ATG2A: variants seen among roughly 807,000 people sequenced by gnomAD.
ATG2A encodes autophagy related 2A.
Under a neutral mutation model 214.2 loss-of-function variants are expected in ATG2A, and 103 were observed. The observed-to-expected ratio is 0.48, with a 90% confidence interval of 0.41 to 0.57. ATG2A has a LOEUF of 0.57. ATG2A is among the 20% of genes least tolerant of loss of function. The pLI, the probability that ATG2A is intolerant of heterozygous loss-of-function variation, is 0.00. For missense variants in ATG2A, 2,312 were observed against 2,613.2 expected (o/e 0.88, Z 2.51); for synonymous variants, 1,160 against 1,142.1 (o/e 1.02, Z -0.32).
Position 64,912,069 on chromosome 11 carries a change from C to CCT in ATG2A, c.1087+15_1087+16insAG, listed in dbSNP as rs1377357991. 6.2e-7 allele frequency: 1 copy of CCT among 1,612,372 alleles called. No homozygotes were observed. Among genetic ancestry groups the CCT allele is most frequent in the Non-Finnish European group, 8.5e-7 (1 of 1,178,886 alleles). Reference sequence around the variant, plus strand: ...CACTAGCTGCCCCTCCAACCACGGTCTGACCCCACACCCACCAGTGTTATC... The same window carrying CCT: ...CACTAGCTGCCCCTCCAACCACGGTCCTTGACCCCACACCCACCAGTGTTATC... On this transcript the variant is annotated intron_variant, in intron 8 of 40. Transcript: ENST00000377264.
Position 64,910,337 on chromosome 11 carries a change from C to T in ATG2A, c.1708-142G>A, listed in dbSNP as rs540741296. ...AGGCCTGCCCCACCTTTGCCCGACG[C>T]GCACAATGTGCTTGTTTACTTATAA... is the stretch of plus-strand genomic sequence containing the variant. On this transcript the variant is annotated intron_variant, in intron 12 of 40. Coordinates refer to ENST00000377264, the MANE Select transcript of ATG2A (RefSeq NM_015104.3). 4.0e-5 allele frequency: 51 copies of T among 1,289,598 alleles called. No individual in the cohort carries two copies. In the South Asian group the frequency reaches 5.5e-4, roughly 14 times the overall value. 79.9% of individuals were successfully genotyped at this position (1,289,598 alleles called of 1,614,324 possible). A position where few individuals can be genotyped will look rare whatever the true frequency, so the allele number is the denominator to read the frequency against.
In ATG2A at chr11:64,897,811, GC is replaced by G. The variant is rs747956811; in HGVS notation, c.4994+27del. On this transcript the variant is annotated intron_variant, in intron 35 of 40. Transcript: ENST00000377264. ...CTGGCCCCCAGCAATCTGGCCCAGG[GC>G]CCCCCACCCGCAGTCCAGCAGCCTA... The G allele has an allele frequency of 3.1e-6, 5 of 1,613,616 alleles. No homozygotes were observed. In the East Asian group the frequency reaches 6.7e-5, roughly 22 times the overall value.
At chr11:64,899,410 G>A (rs1307508412) in intron 31 of ATG2A, among the ~76,000 whole-genome samples, 2 of 152,084 alleles carry the variant, frequency 1.3e-5, no homozygotes, top group South Asian at 2.1e-4. Context: ...CTGGCCATCA[G>A]GTCTCAGAGA....
chr11:64,903,263 G>A lies in ATG2A; in HGVS notation c.3612+25C>T, dbSNP rs778882623. On this transcript the variant is annotated intron_variant, in intron 26 of 40. Transcript: ENST00000377264. This position sits in a 1 kb window ranked among gnomAD's most constrained non-coding sequence, Gnocchi z 4.2. Reference sequence around the variant, plus strand: ...GCCCCTGCACCTGCTGTGGCTCCAGGAGCCAGAGTGACAGCCTCACTCACC... The same window carrying A: ...GCCCCTGCACCTGCTGTGGCTCCAGAAGCCAGAGTGACAGCCTCACTCACC... The A allele has an allele frequency of 4.3e-6, 7 of 1,611,366 alleles. No homozygotes were observed. Among genetic ancestry groups the A allele is most frequent in the Middle Eastern group, 1.6e-4 (1 of 6,072 alleles).
At position 64,895,032 on chromosome 11, in the gene ATG2A, C is replaced by A; in HGVS notation, c.5758G>T (p.Val1920Phe). 6.2e-7 allele frequency: 1 copy of A among 1,613,364 alleles called. No homozygotes were observed. The highest frequency in any genetic ancestry group is 8.5e-7 in the Non-Finnish European group (1 of 1,179,644). ...SLLGGMRNQI[V>F]PDAHKDHALK... ...GCGTGGTCCTTGTGGGCGTCGGGGA[C>A]AATCTGGTTGCGCATGCCCCCGAGC... The change falls in exon 41 of 41, where the codon GTC becomes TTC. Residue 1920 changes from valine (V) to phenylalanine (F), a missense_variant. Physicochemically the swap from Val to Phe is conservative, Grantham distance 50. Coordinates refer to ENST00000377264, the MANE Select transcript of ATG2A (RefSeq NM_015104.3). This position sits in a 1 kb window ranked among gnomAD's most constrained non-coding sequence, Gnocchi z 5.0.
chr11:64,902,855 G>A (rs1041120479), intron 26 of ATG2A, among the ~76,000 whole-genome samples, 175 bp from the exon 27 acceptor site: 2 of 152,146 alleles, frequency 1.3e-5, no homozygotes, highest in African/African-American at 4.8e-5. Flanking sequence ...TGAACAAACT[G>A]TTCACCCAGA....
intron 1 of ATG2A, among the ~76,000 whole-genome samples, chr11:64,915,783 G>A (rs1187993586): frequency 6.6e-6 from 1 of 152,154 alleles, no homozygotes; most frequent in Non-Finnish European, 1.5e-5. Context: ...AGGCTAGCCT[G>A]GGCAACATAG....
rs1204831546 is a variant in ATG2A, at chr11:64,896,740, ACACT to A, written c.5272+4_5272+7del. ...CAGTTTCGAGGGCTTCCAAACCTAG[ACACT>A]CACAGAGCTGGACAACCGAGTGCAT... On this transcript the variant is annotated splice_donor_5th_base_variant and intron_variant, in intron 38 of 40. Transcript: ENST00000377264. 6.2e-7 allele frequency: 1 copy of A among 1,613,814 alleles called. No homozygotes were observed. The highest frequency in any genetic ancestry group is 8.5e-7 in the Non-Finnish European group (1 of 1,179,794).
rs1049719748 is a variant in ATG2A at position 64,903,205 on chromosome 11, G to A, written c.3612+83C>T. ...TGAACTGTGTCCGGAGCCCAGGCAC[G>A]TGAGGGAGCAGCAGCCCCTGAAGAC... On this transcript the variant is annotated intron_variant, in intron 26 of 40. Transcript: ENST00000377264. This position sits in a 1 kb window ranked among gnomAD's most constrained non-coding sequence, Gnocchi z 4.2. 1.1e-5 allele frequency: 14 copies of A among 1,332,902 alleles called. No homozygotes were observed. Among genetic ancestry groups the A allele is most frequent in the African/African-American group, 5.8e-5 (4 of 69,300 alleles). 82.6% of individuals were successfully genotyped at this position (1,332,902 alleles called of 1,614,324 possible).
At chr11:64,907,941 C>T (rs1355671241) in intron 16 of ATG2A, 51 bp from the exon 17 acceptor site, 1 of 1,577,472 alleles carries the variant, frequency 6.3e-7, no homozygotes, top group Admixed American at 1.8e-5. Flanking sequence ...GAGACGCTGG[C>T]TGGGGCCTGT....
At position 64,906,199 on chromosome 11, in the gene ATG2A, G is replaced by T; in HGVS notation, c.3184-6C>A. The T allele has an allele frequency of 6.2e-7, 1 of 1,611,480 alleles. No homozygotes were observed. The highest frequency in any genetic ancestry group is 8.5e-7 in the Non-Finnish European group (1 of 1,179,212). Reference sequence around the variant, plus strand: ...CGCAGTGTCACCAGGAACTCCTGAGGGTGGGGGCGCAGTCAGGGCAGTGGG... The same window carrying T: ...CGCAGTGTCACCAGGAACTCCTGAGTGTGGGGGCGCAGTCAGGGCAGTGGG... On this transcript the variant is annotated splice_polypyrimidine_tract_variant and splice_region_variant and intron_variant, in intron 21 of 40. Transcript: ENST00000377264.
rs541368241 is a variant in ATG2A at position 64,900,708 on chromosome 11, G to A, written c.4329-79C>T. Reference sequence around the variant, plus strand: ...GTCCTCAGCGGGCCTTTTAGCCTGGGACAAGAGACCCCCGCTAGCCCCAGT... The same window carrying A: ...GTCCTCAGCGGGCCTTTTAGCCTGGAACAAGAGACCCCCGCTAGCCCCAGT... On this transcript the variant is annotated intron_variant, in intron 30 of 40. Transcript: ENST00000377264. The A allele has an allele frequency of 5.4e-6, 8 of 1,478,888 alleles. No individual in the cohort carries two copies. The South Asian group carries it at 6.8e-5, about 13-fold the overall frequency. The allele number at this position is 1,478,888 out of a possible 1,614,324, so 91.6% of individuals were successfully genotyped here.
In ATG2A at chr11:64,897,894, C is replaced by A. The variant is rs781511884; in HGVS notation, c.4939G>T (p.Ala1647Ser). 1 of 1,569,288 alleles carries A rather than the reference C, an allele frequency of 6.4e-7. No homozygotes were observed. Among genetic ancestry groups the A allele is most frequent in the East Asian group, 2.2e-5 (1 of 44,524 alleles). Reference protein sequence around the residue: ...EGVETTGSQEAPGGGHSPSPP... With the variant: ...EGVETTGSQESPGGGHSPSPP... ...GAGGGGCTGTGTCCACCTCCTGGGG[C>A]CTCCTGCGAACCAGTGGTCTCTACG... The change falls in exon 35 of 41, where the codon GCC becomes TCC. Residue 1647 changes from alanine (A) to serine (S), a missense_variant. Coordinates refer to ENST00000377264, the MANE Select transcript of ATG2A (RefSeq NM_015104.3).
At position 64,913,664 on chromosome 11, in the gene ATG2A, G is replaced by T. The variant is rs557463987; in HGVS notation, c.590+157C>A. The T allele has an allele frequency of 2.5e-5, 21 of 831,942 alleles. No individual in the cohort carries two copies. Among genetic ancestry groups the T allele is most frequent in the Non-Finnish European group, 3.5e-5 (19 of 535,796 alleles). The allele number at this position is 831,942 out of a possible 1,614,324, so 51.5% of individuals were successfully genotyped here. A position where few individuals can be genotyped will look rare whatever the true frequency, so the allele number is the denominator to read the frequency against. ...ACCTGGCCTCTGGACACCAGTCCGG[G>T]CTCACGATGCAGCCCACCTCCCCAA... On this transcript the variant is annotated intron_variant, in intron 4 of 40. Coordinates refer to ENST00000377264, the MANE Select transcript of ATG2A (RefSeq NM_015104.3). This position sits in a 1 kb window ranked among gnomAD's most constrained non-coding sequence, Gnocchi z 4.3.
At chr11:64,904,993 C>T (rs1944491899) in intron 24 of ATG2A, among the ~76,000 whole-genome samples, 3 of 152,074 alleles carry the variant, frequency 2.0e-5, no homozygotes, top group Admixed American at 2.0e-4. Context: ...GTAGCTGGGA[C>T]TACAGGCGCC....
Position 64,911,126 on chromosome 11 carries a change from C to T in ATG2A, c.1378G>A (p.Asp460Asn), listed in dbSNP as rs763542825. The change falls in exon 10 of 41, where the codon GAT becomes AAT. Residue 460 changes from aspartate to asparagine, a missense_variant. Coordinates refer to ENST00000377264, the MANE Select transcript of ATG2A (RefSeq NM_015104.3). The part of the protein sequence containing the change: ...DLATHFFTEF[D>N]ATKDGPFGSR... Reference sequence around the variant, plus strand: ...CCGAAGGGCCCATCCTTGGTGGCATCAAACTCGGTGAAAAAGTGCGTGGCG... The same window carrying T: ...CCGAAGGGCCCATCCTTGGTGGCATTAAACTCGGTGAAAAAGTGCGTGGCG... 4 of 1,614,112 alleles carry T rather than the reference C, an allele frequency of 2.5e-6. No individual in the cohort carries two copies. In the South Asian group the frequency reaches 4.4e-5, roughly 18 times the overall value.
At position 64,913,933 on chromosome 11, in the gene ATG2A, T is replaced by C. The variant is rs772000368; in HGVS notation, c.488-10A>G. 1 of 1,612,930 alleles carries C rather than the reference T, an allele frequency of 6.2e-7. No individual in the cohort carries two copies. The highest frequency in any genetic ancestry group is 2.2e-5 in the East Asian group (1 of 44,840). ...TTGATCCTCCGAAGCACTGAGGAGT[T>C]GGGGAGGGGTCTCAGGTCAGGTAGA... On this transcript the variant is annotated splice_polypyrimidine_tract_variant and intron_variant, in intron 3 of 40. Coordinates refer to ENST00000377264, the MANE Select transcript of ATG2A (RefSeq NM_015104.3). This position sits in a 1 kb window ranked among gnomAD's most constrained non-coding sequence, Gnocchi z 4.3.
chr11:64,912,686 T>C, intron 6 of ATG2A: 1 of 470,230 alleles, frequency 2.1e-6, no homozygotes. Context: ...CTCTGCCTCC[T>C]GGGTTCAAGC....
chr11:64,916,286 G>A (rs919782383), intron 1 of ATG2A, among the ~76,000 whole-genome samples: 33 of 152,260 alleles, frequency 2.2e-4, no homozygotes, highest in African/African-American at 7.7e-4. Context: ...CTCCAGGCAG[G>A]GACACTGAGC....
Sources: gnomAD v4.1 joint callset for allele counts (sites outside exome capture counted in the v4.1 genomes callset) on GRCh38, gnomAD v4.1.1 for gene constraint, Gnocchi (gnomAD v3.1) non-coding constraint, MANE v1.5 for transcripts, NCBI Gene and HGNC (gene_info 2026-07-23, HGNC 2026-07-21) for gene names.